Variants in PDE3B observed in about 807,000 individuals in gnomAD.
PDE3B encodes the protein phosphodiesterase 3B, also known as cGMP-inhibited 3',5'-cyclic phosphodiesterase 3B.
In PDE3B, 66 loss-of-function variants were observed where a neutral mutation model predicts 116.8. The observed-to-expected ratio is 0.56, with a 90% CI of 0.46 to 0.69. The LOEUF (loss-of-function observed/expected upper bound fraction) is 0.69, where lower values mean the gene tolerates loss of function less well. PDE3B is among the 30% of genes least tolerant of loss of function. PDE3B has a pLI of 0.00. For missense variants in PDE3B, 1,384 were observed against 1,368.1 expected (o/e 1.01, Z -0.18); for synonymous variants, 595 against 533.6 (o/e 1.12, Z -1.59).
chr11:14,714,271 C>T (rs1293152816), intron 1 of PDE3B, among the ~76,000 whole-genome samples: 2 of 152,082 alleles, frequency 1.3e-5, no homozygotes, highest in Non-Finnish European at 2.9e-5. Flanking sequence ...TATTGGTTCT[C>T]ATAGTTTGCA....
At chr11:14,840,393 C>T (rs1377991839) in intron 11 of PDE3B, among the ~76,000 whole-genome samples, 2 of 152,148 alleles carry the variant, frequency 1.3e-5, no homozygotes, top group East Asian at 1.9e-4. Context: ...GCCCTCTGAT[C>T]CTCCAGTTCA....
chr11:14,749,488 T>G (rs1856999081), intron 1 of PDE3B, among the ~76,000 whole-genome samples: 1 of 152,184 alleles, frequency 6.6e-6, no homozygotes, highest in Non-Finnish European at 1.5e-5. Context: ...TTTTTGTTTT[T>G]AACCTGTTGG....
At chr11:14,883,331 C>G in the PDE3B span, among the ~76,000 whole-genome samples, 4 of 152,040 alleles carry the variant, frequency 2.6e-5, no homozygotes, top group African/African-American at 9.7e-5. Flanking sequence ...GGTACCAAAA[C>G]AGAGATATAG....
intron 11 of PDE3B, among the ~76,000 whole-genome samples, chr11:14,835,349 C>T (rs999104858): frequency 1.3e-5 from 2 of 152,124 alleles, no homozygotes; most frequent in Non-Finnish European, 2.9e-5. Context: ...CTGGATCTAT[C>T]ATGTTTCCTT....
chr11:14,722,513 T>G (rs1270442620), intron 1 of PDE3B, among the ~76,000 whole-genome samples: 1 of 152,192 alleles, frequency 6.6e-6, no homozygotes, highest in Non-Finnish European at 1.5e-5. Context: ...TTTTGTAAGA[T>G]TTGTTGAGTA....
chr11:14,819,445 T>C (rs575957025), intron 7 of PDE3B, among the ~76,000 whole-genome samples: 1 of 152,320 alleles, frequency 6.6e-6, no homozygotes, highest in South Asian at 2.1e-4. Flanking sequence ...TTAGGTTATG[T>C]CTATTGTTTA....
the PDE3B span, chr11:14,892,166 G>C: frequency 5.6e-6 from 9 of 1,610,770 alleles, no homozygotes; most frequent in Non-Finnish European, 6.8e-6. Context: ...GCGCCGCCGA[G>C]CGCCGCCGCG....
At chr11:14,795,623 A>G (rs1454832207) in intron 4 of PDE3B, among the ~76,000 whole-genome samples, 1 of 152,186 alleles carries the variant, frequency 6.6e-6, no homozygotes, top group East Asian at 1.9e-4. Context: ...AAGGTAGAAG[A>G]CAGTGGAGCA....
chr11:14,871,506 T>C lies in PDE3B; in HGVS notation c.*1846T>C, dbSNP rs1848140887. ...GTGTATGTGTATAAAGTCATACATG[T>C]ACAAGCATGCATATTGAGATTGAAT... On this transcript the variant is annotated 3_prime_UTR_variant, in exon 16 of 16. Transcript: ENST00000282096. The C allele has an allele frequency of 6.6e-6, 1 of 152,188 alleles. No homozygotes were observed. The highest frequency in any genetic ancestry group is 2.1e-4 in the South Asian group (1 of 4,832). 9.4% of individuals were successfully genotyped at this position (152,188 alleles called of 1,614,324 possible).
chr11:14,698,502 G>A (rs1418391597), intron 1 of PDE3B, among the ~76,000 whole-genome samples: 1 of 151,480 alleles, frequency 6.6e-6, no homozygotes, highest in African/African-American at 2.4e-5. Context: ...TATATTGCTG[G>A]GTTTTCTTTG....
chr11:14,669,819 G>T (rs1854312040), intron 1 of PDE3B, among the ~76,000 whole-genome samples: 1 of 152,122 alleles, frequency 6.6e-6, no homozygotes, highest in Admixed American at 6.6e-5. Context: ...AAGGGTAGAG[G>T]AGTATTGAAA....
intron 14 of PDE3B, among the ~76,000 whole-genome samples, chr11:14,862,074 G>T (rs1354563822): frequency 6.6e-6 from 1 of 152,204 alleles, no homozygotes; most frequent in African/African-American, 2.4e-5. Context: ...TTGCCTCTTA[G>T]TGCACATGCT....
downstream of PDE3B, among the ~76,000 whole-genome samples, chr11:14,872,582 A>G (rs543505606): frequency 6.6e-6 from 1 of 152,334 alleles, no homozygotes; most frequent in East Asian, 1.9e-4. Flanking sequence ...GGAAATGGGA[A>G]CCAATGGAAA....
At chr11:14,807,890 C>G (rs1271229892) in intron 5 of PDE3B, among the ~76,000 whole-genome samples, 5 of 151,596 alleles carry the variant, frequency 3.3e-5, no homozygotes, top group African/African-American at 7.3e-5. Flanking sequence ...CTACAAAATT[C>G]AAAAATACAA....
chr11:14,895,204 C>T, the PDE3B span, among the ~76,000 whole-genome samples: 2 of 152,236 alleles, frequency 1.3e-5, no homozygotes, highest in Non-Finnish European at 2.9e-5. Context: ...CAGAGTGATG[C>T]AATCAGCGCA....
At chr11:14,749,899 C>T (rs1214437873) in intron 1 of PDE3B, among the ~76,000 whole-genome samples, 16 of 77,590 alleles carry the variant, frequency 2.1e-4, no homozygotes, top group South Asian at 4.3e-4. Context: ...AAATATATCC[C>T]ATATATATAT....
At chr11:14,844,700 G>A (rs1590188365) in intron 12 of PDE3B, among the ~76,000 whole-genome samples, 3 of 152,332 alleles carry the variant, frequency 2.0e-5, no homozygotes, top group Admixed American at 6.5e-5. Flanking sequence ...CACCTGGCTC[G>A]GAGGGTCCTA....
At chr11:14,856,717 G>T (rs1847857149) in intron 12 of PDE3B, among the ~76,000 whole-genome samples, 1 of 152,050 alleles carries the variant, frequency 6.6e-6, no homozygotes, top group Non-Finnish European at 1.5e-5. Flanking sequence ...AGCTGGGCGT[G>T]GTGGCGGGCA....
chr11:14,890,119 A>C, the PDE3B span, among the ~76,000 whole-genome samples: 1 of 152,032 alleles, frequency 6.6e-6, no homozygotes, highest in African/African-American at 2.4e-5. Flanking sequence ...ACAGAGCAAG[A>C]CTCGTCTCAA....
Sources: gnomAD v4.1 joint callset for allele counts (sites outside exome capture counted in the v4.1 genomes callset) on GRCh38, gnomAD v4.1.1 for gene constraint, MANE v1.5 for transcripts, NCBI Gene and HGNC (gene_info 2026-07-23, HGNC 2026-07-21) for gene names.